The following PLCXD3 variants were observed in gnomAD, a reference collection of about 807,000 sequenced individuals.
PLCXD3 encodes the protein PI-PLC X domain-containing protein 3.
In PLCXD3, 19 loss-of-function variants were observed where a neutral mutation model predicts 25.5. The observed-to-expected ratio is 0.75, with a 90% CI of 0.52 to 1.09. The LOEUF is 1.09. Among genes scored for constraint, PLCXD3 ranks in the 50% least tolerant of loss-of-function variants. PLCXD3 has a pLI of 0.00. For synonymous variants in PLCXD3, 174 were observed against 137.6 expected, an observed-to-expected ratio of 1.26 and a Z score of -1.85; for missense variants, 411 against 388.1, an observed-to-expected ratio of 1.06 and a Z score of -0.50.
chr5:41,490,187 G>T (rs1748626240), intron 1 of PLCXD3, among the ~76,000 whole-genome samples: 1 of 152,196 alleles, frequency 6.6e-6, no homozygotes. Context: ...CATCTATTGA[G>T]ATAATCACGT....
intron 1 of PLCXD3, among the ~76,000 whole-genome samples, chr5:41,446,516 G>A (rs1747507623): frequency 6.7e-6 from 1 of 150,070 alleles, no homozygotes; most frequent in Non-Finnish European, 1.5e-5. Flanking sequence ...AAATCCCCAT[G>A]GAATGAATAA....
intron 2 of PLCXD3, among the ~76,000 whole-genome samples, chr5:41,375,806 A>G (rs1474511505): frequency 2.0e-5 from 3 of 152,126 alleles, no homozygotes; most frequent in African/African-American, 4.8e-5. Context: ...AGCAATATTA[A>G]TTTTACCTAA....
chr5:41,468,218 A>G (rs902917256), intron 1 of PLCXD3, among the ~76,000 whole-genome samples: 2 of 151,736 alleles, frequency 1.3e-5, no homozygotes, highest in Non-Finnish European at 2.9e-5. Context: ...GGGTTTTACT[A>G]TGTTGGCTAG....
chr5:41,435,408 G>T (rs1199644802), intron 1 of PLCXD3, among the ~76,000 whole-genome samples: 1 of 152,194 alleles, frequency 6.6e-6, no homozygotes, highest in Non-Finnish European at 1.5e-5. Flanking sequence ...TGAAACCTAA[G>T]ATTAGTGTCT....
At chr5:41,324,034 G>A (rs1743551345) in intron 2 of PLCXD3, among the ~76,000 whole-genome samples, 1 of 152,116 alleles carries the variant, frequency 6.6e-6, no homozygotes. Flanking sequence ...CACAAACAGA[G>A]AATAGTTGGA....
At chr5:41,357,607 G>A (rs531536165) in intron 2 of PLCXD3, among the ~76,000 whole-genome samples, 3 of 152,264 alleles carry the variant, frequency 2.0e-5, no homozygotes, top group South Asian at 2.1e-4. Context: ...CAAACTTGAC[G>A]TGACACTAAA....
intron 1 of PLCXD3, among the ~76,000 whole-genome samples, chr5:41,472,407 T>C (rs937715615): frequency 3.9e-5 from 6 of 152,188 alleles, no homozygotes; most frequent in African/African-American, 1.4e-4. Flanking sequence ...GTTTTTCTCA[T>C]GACTTTAGAT....
At chr5:41,314,297 A>T (rs938891609) in intron 2 of PLCXD3, among the ~76,000 whole-genome samples, 3 of 152,218 alleles carry the variant, frequency 2.0e-5, no homozygotes, top group African/African-American at 7.2e-5. Context: ...ATCAGGGCTC[A>T]TTCCTTCAAA....
chr5:41,328,748 C>G (rs952873518), intron 2 of PLCXD3, among the ~76,000 whole-genome samples: 1 of 152,106 alleles, frequency 6.6e-6, no homozygotes, highest in Admixed American at 6.6e-5. Flanking sequence ...ATGTGAGAAC[C>G]AGAGGTCGTC....
chr5:41,506,490 G>A (rs868177695), intron 1 of PLCXD3, among the ~76,000 whole-genome samples: 2 of 152,198 alleles, frequency 1.3e-5, no homozygotes, highest in African/African-American at 4.8e-5. Context: ...AAATGGGGTA[G>A]GAGGTGAGAA....
intron 2 of PLCXD3, among the ~76,000 whole-genome samples, chr5:41,350,071 C>T (rs1744409515): frequency 1.3e-5 from 2 of 152,114 alleles, no homozygotes; most frequent in African/African-American, 4.8e-5. Flanking sequence ...CTCTCTCACA[C>T]CTCCTGTGCC....
chr5:41,378,986 G>A (rs1350464792), intron 2 of PLCXD3, among the ~76,000 whole-genome samples: 1 of 152,066 alleles, frequency 6.6e-6, no homozygotes, highest in Admixed American at 6.6e-5. Flanking sequence ...GGTAAAATGA[G>A]GGTAAAGTTC....
intron 1 of PLCXD3, among the ~76,000 whole-genome samples, chr5:41,467,798 C>T (rs1479310921): frequency 6.6e-6 from 1 of 152,026 alleles, no homozygotes; most frequent in Non-Finnish European, 1.5e-5. Context: ...TTCCCGACAC[C>T]ATTAATTGAA....
intron 2 of PLCXD3, among the ~76,000 whole-genome samples, chr5:41,368,078 C>T (rs1744989550): frequency 6.6e-6 from 1 of 152,078 alleles, no homozygotes; most frequent in Non-Finnish European, 1.5e-5. Flanking sequence ...AATTTTGATT[C>T]TTTATATCCA....
intron 1 of PLCXD3, among the ~76,000 whole-genome samples, chr5:41,503,048 G>A (rs1390783264): frequency 6.6e-6 from 1 of 152,100 alleles, no homozygotes; most frequent in Non-Finnish European, 1.5e-5. Flanking sequence ...TTCCCTCTAA[G>A]GCAGCTATGG....
chr5:41,361,324 C>A (rs1443534093), intron 2 of PLCXD3, among the ~76,000 whole-genome samples: 1 of 152,204 alleles, frequency 6.6e-6, no homozygotes, highest in Non-Finnish European at 1.5e-5. Context: ...TTGCCCCATA[C>A]CATGAGCTTC....
rs534192080 is a variant in PLCXD3, at chr5:41,421,609, G to C, written c.104-39075C>G. ...CCAGCTACTCGGGAGGCTGAGGCAGGAGAATGGCGTGAACCCGAGAGGCGA... is the reference window on the plus strand; with the variant it reads ...CCAGCTACTCGGGAGGCTGAGGCAGCAGAATGGCGTGAACCCGAGAGGCGA... On this transcript the variant is annotated intron_variant, in intron 1 of 2. Coordinates refer to ENST00000377801, the MANE Select transcript of PLCXD3 (RefSeq NM_001005473.3). Among the ~76,000 whole-genome samples the C allele has an allele frequency of 2.9e-3, 442 of 152,312 alleles. 1 individual carries two copies. The highest frequency in any genetic ancestry group is 4.7e-3 in the Non-Finnish European group (319 of 68,030).
intron 2 of PLCXD3, among the ~76,000 whole-genome samples, chr5:41,353,170 G>T (rs1261434059): frequency 1.3e-5 from 2 of 149,586 alleles, no homozygotes; most frequent in African/African-American, 4.9e-5. Context: ...TCCGCTCACT[G>T]CAAGCTCCAC....
intron 1 of PLCXD3, among the ~76,000 whole-genome samples, chr5:41,398,876 G>A (rs1425334757): frequency 6.6e-6 from 1 of 152,112 alleles, no homozygotes; most frequent in Non-Finnish European, 1.5e-5. Context: ...ACAAGAGAAA[G>A]ACTTAAAGAG....
Sources: allele counts gnomAD v4.1 joint callset (sites outside exome capture counted in the v4.1 genomes callset), GRCh38; gene constraint gnomAD v4.1.1; transcripts MANE v1.5; gene names NCBI Gene and HGNC (gene_info 2026-07-23, HGNC 2026-07-21).